Variants in LAPTM4B observed in about 807,000 individuals in gnomAD.
LAPTM4B encodes the protein lysosomal-associated transmembrane protein 4B.
A neutral mutation model predicts 28.5 loss-of-function variants in LAPTM4B; 26 were observed. That is an observed-to-expected ratio of 0.91 (90% CI 0.67 to 1.27). LAPTM4B has a LOEUF of 1.27. LAPTM4B is among the 50% of genes most tolerant of loss of function. LAPTM4B has a pLI of 0.00. For synonymous variants in LAPTM4B, 109 were observed against 106.4 expected (o/e 1.02, Z -0.15); for missense variants, 288 against 285.8 (o/e 1.01, Z -0.06).
At chr8:97,789,721 A>G (rs1458548909) in intron 1 of LAPTM4B, among the ~76,000 whole-genome samples, 1 of 151,634 alleles carries the variant, frequency 6.6e-6, no homozygotes, top group Non-Finnish European at 1.5e-5. Flanking sequence ...GGATTTCTCC[A>G]TGTTGGTCAG....
At position 97,844,477 on chromosome 8, in the gene LAPTM4B, T is replaced by A. The variant is rs571915301; in HGVS notation, c.604-6920T>A. ...TCATGCTTGTGGAATTCATTGGTGT[T>A]AACATGTTCCCACCATCCTGAAACA... On this transcript the variant is annotated intron_variant, in intron 6 of 6. Transcript: ENST00000521545. 2.6e-5 allele frequency among the ~76,000 whole-genome samples: 4 copies of A among 152,276 alleles called. No individual in the cohort carries two copies. In the South Asian group the frequency reaches 8.3e-4, roughly 32 times the overall value.
intron 3 of LAPTM4B, 27 bp downstream of exon 3, chr8:97,815,428 C>T: frequency 6.5e-7 from 1 of 1,536,868 alleles, no homozygotes. Context: ...AAGATGCTGG[C>T]CTTTTCCTTG....
At chr8:97,781,140 C>T (rs1174929201) in intron 1 of LAPTM4B, among the ~76,000 whole-genome samples, 7 of 151,736 alleles carry the variant, frequency 4.6e-5, no homozygotes, top group Admixed American at 6.6e-5. Context: ...AGGTGAGCTC[C>T]GGGCTAATTT....
intron 1 of LAPTM4B, among the ~76,000 whole-genome samples, chr8:97,789,519 T>G (rs923201080): frequency 1.0e-4 from 15 of 149,330 alleles, no homozygotes; most frequent in African/African-American, 3.3e-4. Flanking sequence ...CTACCATACC[T>G]GGCTAATTTT....
At chr8:97,843,882 A>G (rs1817390289) in intron 6 of LAPTM4B, among the ~76,000 whole-genome samples, 1 of 152,232 alleles carries the variant, frequency 6.6e-6, no homozygotes, top group African/African-American at 2.4e-5. Context: ...TTTATATAGA[A>G]TGTTACCTGC....
At chr8:97,800,730 T>C (rs1473699603) in intron 1 of LAPTM4B, among the ~76,000 whole-genome samples, 1 of 152,004 alleles carries the variant, frequency 6.6e-6, no homozygotes, top group African/African-American at 2.4e-5. Context: ...TCCTGACTTA[T>C]GGTGATCTGC....
chr8:97,778,425 T>TC (rs994273014), intron 1 of LAPTM4B, among the ~76,000 whole-genome samples: 1 of 151,992 alleles, frequency 6.6e-6, no homozygotes, highest in African/African-American at 2.4e-5. Context: ...CAGACAAGAC[T>TC]CCATCTTGGC....
At chr8:97,779,517 C>T (rs567948746) in intron 1 of LAPTM4B, among the ~76,000 whole-genome samples, 6 of 151,846 alleles carry the variant, frequency 4.0e-5, no homozygotes, top group Admixed American at 3.9e-4. Flanking sequence ...AGGCCTGGTG[C>T]AGAGGCTCAC....
At chr8:97,846,179 A>C (rs774694751) in intron 6 of LAPTM4B, among the ~76,000 whole-genome samples, 16 of 151,556 alleles carry the variant, frequency 1.1e-4, no homozygotes, top group African/African-American at 3.9e-4. Context: ...ACGTTTTGTG[A>C]TATATTTTTA....
Position 97,817,445 on chromosome 8 carries a change from CT to C in LAPTM4B, c.408+1285del, listed in dbSNP as rs753483537. On this transcript the variant is annotated intron_variant, in intron 4 of 6. Coordinates refer to ENST00000521545, the MANE Select transcript of LAPTM4B (RefSeq NM_018407.6). ...GACTCACTGTACCAGGCCAACTTTA[CT>C]TTTTTTTTTTTTTTTTTTTGAGACA... Among the ~76,000 whole-genome samples the C allele has an allele frequency of 2.9e-3, 261 of 88,998 alleles. 2 individuals carry two copies. Among genetic ancestry groups the C allele is most frequent in the African/African-American group, 9.3e-3 (242 of 26,070 alleles). 58.4% of individuals were successfully genotyped at this position (88,998 alleles called of 152,430 possible).
chr8:97,810,982 CT>C (rs1262910374), intron 2 of LAPTM4B, among the ~76,000 whole-genome samples: 6 of 152,130 alleles, frequency 3.9e-5, no homozygotes, highest in Non-Finnish European at 8.8e-5. Context: ...AGACAGACAC[CT>C]CACAAAAGAA....
chr8:97,847,388 A>G (rs1332135002), intron 6 of LAPTM4B, among the ~76,000 whole-genome samples: 1 of 152,232 alleles, frequency 6.6e-6, no homozygotes, highest in African/African-American at 2.4e-5. Flanking sequence ...AAGTGACTTC[A>G]GAAATAGGAC....
intron 1 of LAPTM4B, among the ~76,000 whole-genome samples, chr8:97,799,183 G>A (rs1308547113): frequency 1.3e-5 from 2 of 152,124 alleles, no homozygotes; most frequent in East Asian, 3.8e-4. Context: ...CATCTCACAG[G>A]GTTGTCATGA....
chr8:97,805,342 T>C lies in LAPTM4B; in HGVS notation c.100-11T>C, dbSNP rs76505572. The C allele has an allele frequency of 2.1e-6, 3 of 1,404,820 alleles. No individual in the cohort carries two copies. The highest frequency in any genetic ancestry group is 1.8e-4 in the Middle Eastern group (1 of 5,458). 87.0% of individuals were successfully genotyped at this position (1,404,820 alleles called of 1,614,324 possible). ...TTAAATTCTTTTTTTTTTTTTTTTT[T>C]CTTGTTGCAGATCATCAATGCTGTG... On this transcript the variant is annotated splice_polypyrimidine_tract_variant and intron_variant, in intron 1 of 6. Transcript: ENST00000521545.
rs530204343 is a variant in LAPTM4B at position 97,808,372 on chromosome 8, G to C, written c.211+2908G>C. Among the ~76,000 whole-genome samples, 3 of 152,034 alleles carry C rather than the reference G, an allele frequency of 2.0e-5. No homozygotes were observed. The South Asian group carries it at 6.2e-4, about 32-fold the overall frequency. On this transcript the variant is annotated intron_variant, in intron 2 of 6. Transcript: ENST00000521545. Reference sequence around the variant, plus strand: ...TGAGGCAGGAGAATTGCTTGAACCTGGGAGGGGGGAGTTTGCAGTGAGCCG... The same window carrying C: ...TGAGGCAGGAGAATTGCTTGAACCTCGGAGGGGGGAGTTTGCAGTGAGCCG...
At chr8:97,781,886 A>C (rs1816325492) in intron 1 of LAPTM4B, among the ~76,000 whole-genome samples, 1 of 151,708 alleles carries the variant, frequency 6.6e-6, no homozygotes, top group African/African-American at 2.4e-5. Context: ...CAATTTGTTT[A>C]TCCATTTGCC....
At chr8:97,804,290 AAT>A (rs1816728278) in intron 1 of LAPTM4B, among the ~76,000 whole-genome samples, 2 of 152,200 alleles carry the variant, frequency 1.3e-5, no homozygotes, top group African/African-American at 4.8e-5. Flanking sequence ...CATCAAAGTT[AAT>A]ATGTGTGTGT....
intron 6 of LAPTM4B, among the ~76,000 whole-genome samples, chr8:97,847,138 T>C (rs906660705): frequency 2.0e-5 from 3 of 152,214 alleles, no homozygotes; most frequent in African/African-American, 7.2e-5. Flanking sequence ...AGAGCAGTCT[T>C]CCTAATGAAC....
chr8:97,828,262 G>A (rs1199467713), intron 6 of LAPTM4B, among the ~76,000 whole-genome samples: 1 of 152,196 alleles, frequency 6.6e-6, no homozygotes, highest in East Asian at 1.9e-4. Context: ...AGCGGGATTA[G>A]GGGTGGCGTG....
Sources: allele counts gnomAD v4.1 joint callset (sites outside exome capture counted in the v4.1 genomes callset), GRCh38; gene constraint gnomAD v4.1.1; transcripts MANE v1.5; gene names NCBI Gene and HGNC (gene_info 2026-07-23, HGNC 2026-07-21).